Variants in KCNMA1 observed in about 807,000 individuals in gnomAD.
The protein encoded by KCNMA1 is potassium calcium-activated channel subfamily M alpha 1.
A neutral mutation model predicts 140.0 loss-of-function variants in KCNMA1; 29 were observed. The ratio of observed to expected loss-of-function variants is 0.21; its 90% confidence interval spans 0.15 to 0.28. The LOEUF is 0.28. Ranked by LOEUF, KCNMA1 falls within the 10% of genes least tolerant of loss-of-function variation. The pLI is 1.00. For synonymous variants in KCNMA1, 612 were observed against 611.9 expected (o/e 1.00, Z 0.00); for missense variants, 880 against 1,602.2 (o/e 0.55, Z 7.70).
At chr10:77,561,016 C>T (rs1387838111) in intron 1 of KCNMA1, among the ~76,000 whole-genome samples, 1 of 151,472 alleles carries the variant, frequency 6.6e-6, no homozygotes, top group Non-Finnish European at 1.5e-5. Context: ...TTGTGAGAGG[C>T]TGGGACAGGG....
At chr10:77,116,162 A>G (rs2097458899) in intron 6 of KCNMA1, among the ~76,000 whole-genome samples, 1 of 152,224 alleles carries the variant, frequency 6.6e-6, no homozygotes, top group South Asian at 2.1e-4. Context: ...GAGGGAGATT[A>G]TGATCTTATC....
intron 23 of KCNMA1, among the ~76,000 whole-genome samples, chr10:76,943,203 G>A (rs928464358): frequency 1.2e-4 from 18 of 152,256 alleles, no homozygotes; most frequent in Middle Eastern, 3.4e-3. Context: ...CACAGGATGC[G>A]GGCTCTACCT....
intron 2 of KCNMA1, among the ~76,000 whole-genome samples, chr10:77,258,949 C>T (rs914755742): frequency 1.0e-4 from 15 of 149,790 alleles, no homozygotes; most frequent in African/African-American, 2.2e-4. Flanking sequence ...GGCAACAGAG[C>T]GAGACTCTGT....
downstream of KCNMA1, among the ~76,000 whole-genome samples, chr10:76,882,619 T>C (rs118122232): frequency 0.011 from 1,720 of 152,366 alleles, 16 homozygotes; most frequent in Non-Finnish European, 0.018. Context: ...TTCTTTGCAA[T>C]TGGCTACCAT....
chr10:77,382,889 T>A (rs61255549), intron 2 of KCNMA1, among the ~76,000 whole-genome samples: 25,743 of 72,188 alleles, frequency 0.36, 5,874 homozygotes, highest in South Asian at 0.47. Flanking sequence ...AAAAAAAATA[T>A]ATATATATAT....
chr10:77,238,484 C>G (rs2056315715), intron 3 of KCNMA1, among the ~76,000 whole-genome samples: 1 of 152,192 alleles, frequency 6.6e-6, no homozygotes, highest in Admixed American at 6.5e-5. Flanking sequence ...GTCTTACCTA[C>G]CCCTTTTAGT....
At chr10:77,111,656 G>T (rs972937749) in intron 7 of KCNMA1, among the ~76,000 whole-genome samples, 1 of 152,204 alleles carries the variant, frequency 6.6e-6, no homozygotes, top group African/African-American at 2.4e-5. Flanking sequence ...AATCCCAAGT[G>T]TGGGTAGCTA....
rs187675715 is a variant in KCNMA1 at position 77,307,609 on chromosome 10, C to T, written c.541-56353G>A. 2.2e-4 allele frequency among the ~76,000 whole-genome samples: 33 copies of T among 152,218 alleles called. 2 individuals carry two copies. The East Asian group carries it at 4.1e-3, about 19-fold the overall frequency. ...TCACCCAGGCTGGAGTGCAGTGGCG[C>T]GATCTTGGCTCACTGCAAGCTCCAC... On this transcript the variant is annotated intron_variant, in intron 2 of 27. Transcript: ENST00000286628.
chr10:77,039,658 C>T (rs200106407), intron 14 of KCNMA1, 21 bp from the exon 15 acceptor site: 13 of 1,455,432 alleles, frequency 8.9e-6, no homozygotes, highest in African/African-American at 2.8e-5. Context: ...GGAACACATG[C>T]GGAGAGTTTA....
rs190627082 is a variant in KCNMA1, at chr10:77,540,135, T to A, written c.378+97130A>T. Among the ~76,000 whole-genome samples, 7 of 152,344 alleles carry A rather than the reference T, an allele frequency of 4.6e-5. No homozygotes were observed. The East Asian group carries it at 1.4e-3, about 29-fold the overall frequency. On this transcript the variant is annotated intron_variant, in intron 1 of 27. Transcript: ENST00000286628. ...GATTTCACAGACCTGGGTTGCTGCC[T>A]GTCCTGCTATGTCCCAGCCAGGTGG...
intron 2 of KCNMA1, among the ~76,000 whole-genome samples, chr10:77,347,643 G>A (rs1311454036): frequency 1.3e-5 from 2 of 152,112 alleles, no homozygotes; most frequent in African/African-American, 4.8e-5. Context: ...AAGGACAACT[G>A]CATCTTCCCT....
intron 3 of KCNMA1, among the ~76,000 whole-genome samples, chr10:77,197,125 T>C (rs1210087988): frequency 1.3e-5 from 2 of 152,220 alleles, no homozygotes; most frequent in African/African-American, 4.8e-5. Flanking sequence ...GCGATATTTC[T>C]TCCTAGTAGT....
In KCNMA1 at chr10:77,007,653, G is replaced by GTGTGTGTGTATATA; in HGVS notation, c.2092+4313_2092+4314insTATATACACACACA. 9.6e-4 allele frequency among the ~76,000 whole-genome samples: 85 copies of GTGTGTGTGTATATA among 88,466 alleles called. 2 individuals carry two copies. The highest frequency in any genetic ancestry group is 3.7e-3 in the African/African-American group (81 of 22,162). 58.0% of individuals were successfully genotyped at this position (88,466 alleles called of 152,430 possible). On this transcript the variant is annotated intron_variant, in intron 18 of 27. Coordinates refer to ENST00000286628, the MANE Select transcript of KCNMA1 (RefSeq NM_001161352.2). ...ACATCATGGTACATATTGTGTGTGT[G>GTGTGTGTGTATATA]TATATATATATATATATATATATGT... is the stretch of plus-strand genomic sequence containing the variant.
intron 2 of KCNMA1, among the ~76,000 whole-genome samples, chr10:77,326,665 C>T (rs374197744): frequency 6.6e-5 from 10 of 152,140 alleles, no homozygotes; most frequent in South Asian, 6.2e-4. Context: ...TGGCCCAATG[C>T]TTATTTCTGG....
At chr10:77,442,848 C>T (rs1203533608) in intron 1 of KCNMA1, among the ~76,000 whole-genome samples, 1 of 152,166 alleles carries the variant, frequency 6.6e-6, no homozygotes, top group Non-Finnish European at 1.5e-5. Context: ...ACTTTGGTAC[C>T]TGGGGCTCCT....
chr10:77,568,220 C>A (rs1460208350), intron 1 of KCNMA1, among the ~76,000 whole-genome samples: 1 of 152,128 alleles, frequency 6.6e-6, no homozygotes, highest in Admixed American at 6.5e-5. Flanking sequence ...GGGAATCCTC[C>A]CTAACTCATT....
At chr10:77,197,901 T>C (rs1250229442) in intron 3 of KCNMA1, among the ~76,000 whole-genome samples, 1 of 151,990 alleles carries the variant, frequency 6.6e-6, no homozygotes, top group East Asian at 1.9e-4. Context: ...CAAACCACTC[T>C]AAACAGAACA....
chr10:77,635,336 A>T (rs1463410539), intron 1 of KCNMA1: 1 of 152,160 alleles, frequency 6.6e-6, no homozygotes, highest in Non-Finnish European at 1.5e-5. Flanking sequence ...AAACACCACA[A>T]CTTATTTTCA....
intron 2 of KCNMA1, among the ~76,000 whole-genome samples, chr10:77,363,218 T>C (rs539602700): frequency 6.6e-6 from 1 of 152,276 alleles, no homozygotes; most frequent in South Asian, 2.1e-4. Flanking sequence ...AATAGTGGAA[T>C]GAAATGATCC....
Sources: allele counts gnomAD v4.1 joint callset (sites outside exome capture counted in the v4.1 genomes callset), GRCh38; gene constraint gnomAD v4.1.1; transcripts MANE v1.5; gene names NCBI Gene and HGNC (gene_info 2026-07-23, HGNC 2026-07-21).